The following HDGFL3 variants were observed in gnomAD, a reference collection of about 807,000 sequenced individuals.
HDGFL3 encodes the protein HDGF like 3, also known as hepatoma-derived growth factor-related protein 3.
In HDGFL3, 6 loss-of-function variants were observed where a neutral mutation model predicts 27.6. The observed-to-expected ratio is 0.22, with a 90% confidence interval of 0.12 to 0.43. The LOEUF (loss-of-function observed/expected upper bound fraction) is 0.43, where lower values mean the gene tolerates loss of function less well. Ranked by LOEUF, HDGFL3 falls within the 20% of genes least tolerant of loss-of-function variation. HDGFL3 has a pLI of 1.00. For synonymous variants in HDGFL3, 88 were observed against 88.9 expected (o/e 0.99, Z 0.05); for missense variants, 207 against 250.1 (o/e 0.83, Z 1.16).
intron 1 of HDGFL3, among the ~76,000 whole-genome samples, chr15:83,193,849 C>A (rs2037540408): frequency 6.6e-6 from 1 of 152,170 alleles, no homozygotes; most frequent in Non-Finnish European, 1.5e-5. Context: ...GGGTACACTG[C>A]CTACAGGGTA....
rs182334540 is a variant in HDGFL3 at position 83,154,136 on chromosome 15, A to G, written c.460-2775T>C. On this transcript the variant is annotated intron_variant, in intron 4 of 5. Transcript: ENST00000299633. Reference sequence around the variant, plus strand: ...TTGAGACCAGCCTGGGCAACATGATAAAATCCGGTCTCTACTGGAAAAAAA... The same window carrying G: ...TTGAGACCAGCCTGGGCAACATGATGAAATCCGGTCTCTACTGGAAAAAAA... Among the ~76,000 whole-genome samples, 52 of 151,746 alleles carry G rather than the reference A, an allele frequency of 3.4e-4. No individual in the cohort carries two copies. The East Asian group carries it at 7.2e-3, about 21-fold the overall frequency.
At chr15:83,197,734 C>T (rs1003003224) in intron 1 of HDGFL3, among the ~76,000 whole-genome samples, 3 of 152,082 alleles carry the variant, frequency 2.0e-5, no homozygotes, top group East Asian at 1.9e-4. Context: ...GTATATAACT[C>T]GGTAGTCAGC....
At chr15:83,140,550 G>A (rs547921409) in intron 5 of HDGFL3, among the ~76,000 whole-genome samples, 1 of 143,838 alleles carries the variant, frequency 7.0e-6, no homozygotes, top group African/African-American at 2.6e-5. Context: ...GGCGTGATGT[G>A]AGCTCACTGC....
intron 1 of HDGFL3, among the ~76,000 whole-genome samples, chr15:83,203,765 G>A (rs555500235): frequency 6.6e-6 from 1 of 151,334 alleles, no homozygotes; most frequent in South Asian, 2.1e-4. Context: ...AAAACATATT[G>A]TTTTCATCAT....
intron 1 of HDGFL3, among the ~76,000 whole-genome samples, chr15:83,178,289 G>A (rs1289373842): frequency 6.6e-6 from 1 of 152,136 alleles, no homozygotes; most frequent in Non-Finnish European, 1.5e-5. Context: ...TCAAAATAAT[G>A]AATTGGTCTT....
chr15:83,205,451 T>C (rs995619031), intron 1 of HDGFL3, among the ~76,000 whole-genome samples: 9 of 152,228 alleles, frequency 5.9e-5, no homozygotes, highest in African/African-American at 2.2e-4. Flanking sequence ...CCATTTTGCC[T>C]TATTTGGAAT....
At chr15:83,146,369 G>C (rs1191295165) in intron 5 of HDGFL3, among the ~76,000 whole-genome samples, 1 of 152,174 alleles carries the variant, frequency 6.6e-6, no homozygotes, top group Non-Finnish European at 1.5e-5. Flanking sequence ...CTCGTACAAT[G>C]AAGAATTAAG....
At chr15:83,120,294 G>C (rs1053418598) in intron 3 of HDGFL3, among the ~76,000 whole-genome samples, 1 of 152,198 alleles carries the variant, frequency 6.6e-6, no homozygotes, top group South Asian at 2.1e-4. Flanking sequence ...CCAACCACAG[G>C]AGCTTCTGCA....
At chr15:83,145,301 T>A (rs1447479054) in intron 5 of HDGFL3, among the ~76,000 whole-genome samples, 1 of 152,070 alleles carries the variant, frequency 6.6e-6, no homozygotes, top group African/African-American at 2.4e-5. Flanking sequence ...CCCAACCCCA[T>A]TCTTTAATCT....
downstream of HDGFL3, among the ~76,000 whole-genome samples, chr15:83,124,289 T>C (rs2035534788): frequency 6.6e-6 from 1 of 152,192 alleles, no homozygotes; most frequent in African/African-American, 2.4e-5. Flanking sequence ...TGTGTGTATA[T>C]ATGTATGTTG....
intron 1 of HDGFL3, among the ~76,000 whole-genome samples, chr15:83,181,756 G>A (rs896278060): frequency 4.1e-4 from 62 of 152,286 alleles, no homozygotes; most frequent in East Asian, 9.7e-4. Flanking sequence ...GATTACAGGC[G>A]TGAGCCACCA....
chr15:83,151,096 G>A lies in HDGFL3; in HGVS notation c.606+119C>T, dbSNP rs1596548780. ...AAGGGCTGAGTGGATGCATATAATA[G>A]GCTGAGAATACTTCTCCATTTATCA... is the stretch of plus-strand genomic sequence containing the variant. On this transcript the variant is annotated intron_variant, in intron 5 of 5. Coordinates refer to ENST00000299633, the MANE Select transcript of HDGFL3 (RefSeq NM_016073.4). The A allele has an allele frequency of 3.3e-6, 3 of 921,834 alleles. No individual in the cohort carries two copies. In the East Asian group the frequency reaches 7.5e-5, roughly 23 times the overall value. 57.1% of individuals were successfully genotyped at this position (921,834 alleles called of 1,614,324 possible). A position where few individuals can be genotyped will look rare whatever the true frequency, so the allele number is the denominator to read the frequency against.
At chr15:83,174,512 C>T (rs1596558664) in intron 1 of HDGFL3, among the ~76,000 whole-genome samples, 1 of 141,564 alleles carries the variant, frequency 7.1e-6, no homozygotes, top group South Asian at 2.2e-4. Context: ...AAAAAAAAAA[C>T]CTCAAAATGA....
In HDGFL3 at chr15:83,136,606, G is replaced by A. The variant is rs1300973942; in HGVS notation, c.*2664C>T. The A allele has an allele frequency of 6.2e-7, 1 of 1,612,626 alleles. No individual in the cohort carries two copies. The highest frequency in any genetic ancestry group is 2.2e-5 in the East Asian group (1 of 44,858). On this transcript the variant is annotated 3_prime_UTR_variant, in exon 6 of 6. Transcript: ENST00000299633. ...CATATGGAGTTCTTCCTCAGCTCTT[G>A]GCCTATCGTTGTATCTACAAACCAG...
chr15:83,194,487 C>A (rs1280718833), intron 1 of HDGFL3, among the ~76,000 whole-genome samples: 1 of 151,956 alleles, frequency 6.6e-6, no homozygotes, highest in East Asian at 1.9e-4. Context: ...GTGATGGTTA[C>A]AAAACAATGT....
chr15:83,117,241 G>A (rs2034747486), intron 3 of HDGFL3, among the ~76,000 whole-genome samples: 2 of 152,176 alleles, frequency 1.3e-5, no homozygotes. Flanking sequence ...AAGAGCATGT[G>A]CCTCTCCCTG....
intron 1 of HDGFL3, among the ~76,000 whole-genome samples, chr15:83,194,748 G>A (rs2037549717): frequency 6.6e-6 from 1 of 152,096 alleles, no homozygotes; most frequent in East Asian, 1.9e-4. Flanking sequence ...GGTGCAGACG[G>A]CAATGAATTT....
Position 83,157,403 on chromosome 15 carries a change from T to C in HDGFL3, c.459+12A>G, listed in dbSNP as rs780576638. On this transcript the variant is annotated intron_variant, in intron 4 of 5. Transcript: ENST00000299633. ...ATATAACATTAATAACAATGAGAAG[T>C]TTCTTAGTAACCTTTGAAGTATATG... The C allele has an allele frequency of 1.2e-6, 2 of 1,610,192 alleles. No individual in the cohort carries two copies. Among genetic ancestry groups the C allele is most frequent in the Non-Finnish European group, 1.7e-6 (2 of 1,176,996 alleles).
chr15:83,161,705 T>C (rs1218759026), intron 2 of HDGFL3, among the ~76,000 whole-genome samples: 1 of 152,208 alleles, frequency 6.6e-6, no homozygotes, highest in Admixed American at 6.5e-5. Flanking sequence ...GGAGCCTGAA[T>C]GAACTGTTCT....
Sources: gnomAD v4.1 joint callset for allele counts (sites outside exome capture counted in the v4.1 genomes callset) on GRCh38, gnomAD v4.1.1 for gene constraint, MANE v1.5 for transcripts, NCBI Gene and HGNC (gene_info 2026-07-23, HGNC 2026-07-21) for gene names.